The following FER variants were observed in gnomAD, a reference collection of about 807,000 sequenced individuals.
FER encodes the protein FER tyrosine kinase, also known as tyrosine-protein kinase Fer.
Under a neutral mutation model 111.0 loss-of-function variants are expected in FER, and 63 were observed. That is an observed-to-expected ratio of 0.57 (90% CI 0.46 to 0.70). FER has a LOEUF of 0.70. Among genes scored for constraint, FER ranks in the 30% least tolerant of loss-of-function variants. The pLI is 0.00. For missense variants in FER, 914 were observed against 954.0 expected, an observed-to-expected ratio of 0.96 and a Z score of 0.55; for synonymous variants, 327 against 313.9, an observed-to-expected ratio of 1.04 and a Z score of -0.44.
intron 13 of FER, among the ~76,000 whole-genome samples, chr5:108,965,067 G>A (rs2149681585): frequency 6.6e-6 from 1 of 152,168 alleles, no homozygotes; most frequent in African/African-American, 2.4e-5. Flanking sequence ...AAAACGTTCT[G>A]AACTGGAATA....
At chr5:108,788,117 T>C (rs2081130) in intron 2 of FER, among the ~76,000 whole-genome samples, 72,484 of 152,056 alleles carry the variant, frequency 0.48, 20,902 homozygotes, top group African/African-American at 0.82. Flanking sequence ...GTAACACCCT[T>C]TTTGGGACTC....
chr5:109,014,726 C>T (rs1362077002), intron 13 of FER: 2 of 152,122 alleles, frequency 1.3e-5, no homozygotes, highest in Non-Finnish European at 2.9e-5. Context: ...ATGGAATATT[C>T]TTCCATTTGT....
intron 1 of FER, among the ~76,000 whole-genome samples, chr5:108,749,179 C>T (rs1352997370): frequency 6.6e-6 from 1 of 152,094 alleles, no homozygotes; most frequent in East Asian, 1.9e-4. Flanking sequence ...AGCCAGCGCC[C>T]CCCCCAACCC....
intron 17 of FER, among the ~76,000 whole-genome samples, chr5:109,168,015 A>C (rs1182681148): frequency 4.0e-5 from 6 of 149,984 alleles, no homozygotes; most frequent in Admixed American, 1.3e-4. Flanking sequence ...AATTATACCA[A>C]ATGCCTGAAA....
At chr5:109,171,740 C>G (rs1356462770) in intron 17 of FER, among the ~76,000 whole-genome samples, 1 of 152,142 alleles carries the variant, frequency 6.6e-6, no homozygotes, top group East Asian at 1.9e-4. Flanking sequence ...GGAGTAGACG[C>G]TATTGCCATC....
Position 108,918,465 on chromosome 5 carries a change from G to C in FER, c.1236+20617G>C, listed in dbSNP as rs114255791. ...ATATAATCTAGACTTAGAATAATGG[G>C]TAGTGGACTGGGTGTGTGTTTTTTC... On this transcript the variant is annotated intron_variant, in intron 10 of 19. Transcript: ENST00000281092. Among the ~76,000 whole-genome samples the C allele has an allele frequency of 6.1e-3, 926 of 151,780 alleles. 10 individuals are homozygous for C. Among genetic ancestry groups the C allele is most frequent in the African/African-American group, 0.022 (899 of 41,414 alleles).
At chr5:109,020,478 T>C (rs567401106) in intron 13 of FER, among the ~76,000 whole-genome samples, 1 of 151,964 alleles carries the variant, frequency 6.6e-6, no homozygotes. Flanking sequence ...TAAAAAGAAA[T>C]ATTCCTTCAG....
intron 7 of FER, 46 bp from the exon 8 acceptor site, chr5:108,872,047 G>A (rs1189457399): frequency 1.9e-6 from 3 of 1,570,002 alleles, no homozygotes; most frequent in Non-Finnish European, 2.6e-6. Context: ...GATATATTAT[G>A]ATACTGTATT....
At chr5:108,784,134 GC>G in intron 2 of FER, 1 of 154,856 alleles carries the variant, frequency 6.5e-6, no homozygotes, top group East Asian at 1.9e-4. Context: ...CACCCTCAGG[GC>G]CCCAACGGCT....
At chr5:108,939,126 T>G (rs1032086870) in intron 10 of FER, among the ~76,000 whole-genome samples, 5 of 152,046 alleles carry the variant, frequency 3.3e-5, no homozygotes, top group African/African-American at 9.7e-5. Context: ...AGCAGTTGTT[T>G]TATTTGTTAT....
chr5:108,915,712 GA>G lies in FER; in HGVS notation c.1236+17868del, dbSNP rs1349732899. ...CATTAAGGAAGAATTAAGAAAGAGG[GA>G]AAAGGAGATATGTGTCAGGAGAAAG... is the stretch of plus-strand genomic sequence containing the variant. On this transcript the variant is annotated intron_variant, in intron 10 of 19. Transcript: ENST00000281092. 5.9e-5 allele frequency among the ~76,000 whole-genome samples: 9 copies of G among 151,838 alleles called. No individual in the cohort carries two copies. In the East Asian group the frequency reaches 1.5e-3, roughly 26 times the overall value.
chr5:108,851,686 A>G (rs561309596), intron 5 of FER, among the ~76,000 whole-genome samples: 1 of 152,348 alleles, frequency 6.6e-6, no homozygotes, highest in East Asian at 1.9e-4. Context: ...TTGAAATTTT[A>G]TAGTTTACTT....
rs1290843834 is a variant in FER at position 109,192,172 on chromosome 5, A to G, written c.*4597A>G. ...TTTAAACTGCATAGAAGTAATGAGC[A>G]TAGGCTTCAGTATATTTAATAAGGT... On this transcript the variant is annotated 3_prime_UTR_variant, in exon 20 of 20. Coordinates refer to ENST00000281092, the MANE Select transcript of FER (RefSeq NM_005246.4). 10 of 152,240 alleles carry G rather than the reference A, an allele frequency of 6.6e-5. No homozygotes were observed. Among genetic ancestry groups the G allele is most frequent in the Non-Finnish European group, 5.9e-5 (4 of 68,046 alleles). 9.4% of individuals were successfully genotyped at this position (152,240 alleles called of 1,614,324 possible).
intron 16 of FER, among the ~76,000 whole-genome samples, chr5:109,080,697 T>G (rs1179343456): frequency 1.3e-5 from 2 of 152,106 alleles, no homozygotes; most frequent in Non-Finnish European, 2.9e-5. Context: ...CAGTAAAGTT[T>G]AAATGATAGG....
intron 10 of FER, among the ~76,000 whole-genome samples, chr5:108,908,451 G>A (rs963423682): frequency 6.6e-6 from 1 of 152,056 alleles, no homozygotes; most frequent in Admixed American, 6.5e-5. Flanking sequence ...TCAATCAAAA[G>A]TAATTACTTG....
chr5:108,982,344 C>T (rs1269619732), intron 13 of FER, among the ~76,000 whole-genome samples: 4 of 152,012 alleles, frequency 2.6e-5, no homozygotes, highest in African/African-American at 4.8e-5. Context: ...AGTAAAAGCA[C>T]GTGCATTCTA....
intron 17 of FER, among the ~76,000 whole-genome samples, chr5:109,163,081 C>T (rs932959499): frequency 6.6e-6 from 1 of 152,020 alleles, no homozygotes; most frequent in Non-Finnish European, 1.5e-5. Context: ...GCATTTACAT[C>T]GAGCTATGAT....
chr5:108,771,816 G>C (rs1449086243), intron 2 of FER, among the ~76,000 whole-genome samples: 1 of 152,152 alleles, frequency 6.6e-6, no homozygotes, highest in Non-Finnish European at 1.5e-5. Flanking sequence ...TGCAGATCCT[G>C]AGAACATGGG....
At chr5:108,967,964 C>A (rs1243931291) in intron 13 of FER, among the ~76,000 whole-genome samples, 2 of 152,182 alleles carry the variant, frequency 1.3e-5, no homozygotes, top group South Asian at 4.1e-4. Flanking sequence ...CTGCCCCTAT[C>A]TGCCTAGGCG....
Sources: gnomAD v4.1 joint callset for allele counts (sites outside exome capture counted in the v4.1 genomes callset) on GRCh38, gnomAD v4.1.1 for gene constraint, MANE v1.5 for transcripts, NCBI Gene and HGNC (gene_info 2026-07-23, HGNC 2026-07-21) for gene names.